SLC10A7: variants seen among roughly 807,000 people sequenced by gnomAD.
The protein encoded by SLC10A7 is sodium/bile acid cotransporter 7.
A neutral mutation model predicts 43.2 loss-of-function variants in SLC10A7; 29 were observed. The observed-to-expected ratio is 0.67, with a 90% CI of 0.50 to 0.92. The LOEUF (loss-of-function observed/expected upper bound fraction) is 0.92, where lower values mean the gene tolerates loss of function less well. SLC10A7 is among the 40% of genes least tolerant of loss of function. The probability of loss-of-function intolerance (pLI) is 0.00; values close to 1 mark genes in which losing one functional copy is unlikely to be tolerated. For synonymous variants in SLC10A7, 152 were observed against 144.8 expected, an observed-to-expected ratio of 1.05 and a Z score of -0.35; for missense variants, 295 against 403.2, an observed-to-expected ratio of 0.73 and a Z score of 2.30.
At chr4:146,496,751 T>C (rs377622916) in intron 4 of SLC10A7, among the ~76,000 whole-genome samples, 1 of 152,230 alleles carries the variant, frequency 6.6e-6, no homozygotes, top group Non-Finnish European at 1.5e-5. Flanking sequence ...AAATCACCCA[T>C]GTCACCAAAA....
intron 6 of SLC10A7, among the ~76,000 whole-genome samples, chr4:146,320,705 T>C (rs1242076088): frequency 6.6e-6 from 1 of 152,058 alleles, no homozygotes; most frequent in Non-Finnish European, 1.5e-5. Context: ...CTTTAAAGCA[T>C]ACTGTTAAAA....
At chr4:146,406,712 G>A (rs964204507) in intron 5 of SLC10A7, among the ~76,000 whole-genome samples, 4 of 152,196 alleles carry the variant, frequency 2.6e-5, no homozygotes, top group African/African-American at 7.2e-5. Flanking sequence ...GCCAGGCGCA[G>A]TGGCTCACTT....
intron 4 of SLC10A7, among the ~76,000 whole-genome samples, chr4:146,502,546 T>C (rs1222633502): frequency 1.4e-5 from 2 of 146,932 alleles, no homozygotes; most frequent in Admixed American, 6.9e-5. Context: ...GAAACGGGGG[T>C]ATATTATATA....
intron 2 of SLC10A7, 101 bp from the exon 3 acceptor site, chr4:146,510,150 G>A (rs6816737): frequency 0.76 from 891,024 of 1,170,498 alleles, 341,797 homozygotes; most frequent in East Asian, 0.95. Context: ...CTTAATTTTG[G>A]GTTTTTTCAT....
chr4:146,340,535 G>GGAGAGAGA (rs35059793), intron 5 of SLC10A7, among the ~76,000 whole-genome samples: 1 of 141,830 alleles, frequency 7.1e-6, no homozygotes, highest in African/African-American at 2.6e-5. Context: ...ATATATATAT[G>GGAGAGAGA]GAGAGAGAGA....
chr4:146,428,367 T>C (rs1206106699), intron 5 of SLC10A7, among the ~76,000 whole-genome samples: 1 of 152,232 alleles, frequency 6.6e-6, no homozygotes, highest in Non-Finnish European at 1.5e-5. Context: ...TAACAAATTT[T>C]AACCGCTGAC....
intron 9 of SLC10A7, among the ~76,000 whole-genome samples, chr4:146,288,624 T>A (rs1376040650): frequency 6.6e-6 from 1 of 152,218 alleles, no homozygotes; most frequent in Non-Finnish European, 1.5e-5. Flanking sequence ...GGGGACTTCA[T>A]GGTACAAGGT....
intron 5 of SLC10A7, among the ~76,000 whole-genome samples, chr4:146,333,060 A>G (rs1733644545): frequency 6.6e-6 from 1 of 152,190 alleles, no homozygotes; most frequent in Non-Finnish European, 1.5e-5. Context: ...AAAGGTGAAT[A>G]TATGGTTTAT....
Position 146,521,879 on chromosome 4 carries a change from T to G in SLC10A7, c.-162A>C. On this transcript the variant is annotated 5_prime_UTR_variant, in exon 1 of 12. Transcript: ENST00000335472. ...TGTAAAGTAAAGACCTGGGGGTTGC[T>G]CCGGCGGCTTTGAGGAGGGTTGGGA... 1.6e-6 allele frequency: 1 copy of G among 610,308 alleles called. No homozygotes were observed. Among genetic ancestry groups the G allele is most frequent in the Non-Finnish European group, 2.9e-6 (1 of 348,390 alleles). 37.8% of individuals were successfully genotyped at this position (610,308 alleles called of 1,614,324 possible).
At chr4:146,371,701 T>C (rs1228896717) in intron 5 of SLC10A7, among the ~76,000 whole-genome samples, 7 of 152,202 alleles carry the variant, frequency 4.6e-5, no homozygotes, top group African/African-American at 1.7e-4. Context: ...TCTCTTCTTG[T>C]GTTTTGTCCA....
In SLC10A7 at chr4:146,352,875, G is replaced by A. The variant is rs920877607; in HGVS notation, c.436-26879C>T. On this transcript the variant is annotated intron_variant, in intron 5 of 11. Coordinates refer to ENST00000335472, the MANE Select transcript of SLC10A7 (RefSeq NM_001029998.6). The stretch of plus-strand genomic sequence containing the variant: ...CACCACATACCAGAATCTCTGGGAC[G>A]CATTCAAAGCAGTGTATAGAGGGAA... Among the ~76,000 whole-genome samples the A allele has an allele frequency of 3.3e-4, 47 of 143,494 alleles. 2 individuals carry two copies. Among genetic ancestry groups the A allele is most frequent in the African/African-American group, 1.1e-3 (42 of 37,104 alleles). 94.1% of individuals were successfully genotyped at this position (143,494 alleles called of 152,430 possible). A position where few individuals can be genotyped will look rare whatever the true frequency, so the allele number is the denominator to read the frequency against.
intron 5 of SLC10A7, among the ~76,000 whole-genome samples, chr4:146,424,144 C>A (rs1729149135): frequency 6.6e-6 from 1 of 152,200 alleles, no homozygotes; most frequent in Non-Finnish European, 1.5e-5. Context: ...CTAGAACTCA[C>A]AGGCTCAAAT....
At chr4:146,511,436 G>T (rs897728493) in intron 2 of SLC10A7, among the ~76,000 whole-genome samples, 3 of 152,156 alleles carry the variant, frequency 2.0e-5, no homozygotes, top group Non-Finnish European at 4.4e-5. Flanking sequence ...AACTGCAATG[G>T]CCCCTTTGTT....
At chr4:146,414,168 C>A (rs1728398649) in intron 5 of SLC10A7, among the ~76,000 whole-genome samples, 1 of 152,114 alleles carries the variant, frequency 6.6e-6, no homozygotes, top group Non-Finnish European at 1.5e-5. Flanking sequence ...TGCAAATTCC[C>A]AGAAAGCTCA....
chr4:146,475,544 G>T (rs569673142), intron 4 of SLC10A7, among the ~76,000 whole-genome samples: 1 of 152,070 alleles, frequency 6.6e-6, no homozygotes, highest in African/African-American at 2.4e-5. Flanking sequence ...AACATGCTAC[G>T]CACTGGAGAA....
intron 5 of SLC10A7, among the ~76,000 whole-genome samples, chr4:146,378,358 C>A (rs549431269): frequency 6.6e-6 from 1 of 152,120 alleles, no homozygotes; most frequent in Non-Finnish European, 1.5e-5. Flanking sequence ...AAATAAAAAA[C>A]ATAATCCACA....
chr4:146,465,013 AAGAC>A (rs1732885460), intron 4 of SLC10A7, among the ~76,000 whole-genome samples: 1 of 152,170 alleles, frequency 6.6e-6, no homozygotes, highest in Non-Finnish European at 1.5e-5. Flanking sequence ...TTATGAAACA[AAGAC>A]AGAGCATCCC....
intron 5 of SLC10A7, among the ~76,000 whole-genome samples, chr4:146,374,998 G>A (rs1737083923): frequency 6.6e-6 from 1 of 152,094 alleles, no homozygotes; most frequent in Non-Finnish European, 1.5e-5. Flanking sequence ...CTGAGGTCAG[G>A]AGTTCGAGAC....
intron 5 of SLC10A7, among the ~76,000 whole-genome samples, chr4:146,387,411 T>C (rs1738089684): frequency 6.6e-6 from 1 of 152,142 alleles, no homozygotes; most frequent in African/African-American, 2.4e-5. Flanking sequence ...TCTGATAAAT[T>C]TGGCATCCCT....
Sources: allele counts gnomAD v4.1 joint callset (sites outside exome capture counted in the v4.1 genomes callset), GRCh38; gene constraint gnomAD v4.1.1; transcripts MANE v1.5; gene names NCBI Gene and HGNC (gene_info 2026-07-23, HGNC 2026-07-21).